EPYC: variants seen among roughly 807,000 people sequenced by gnomAD.
The protein encoded by EPYC is epiphycan.
In EPYC, 28 loss-of-function variants were observed where a neutral mutation model predicts 30.1. The observed-to-expected ratio is 0.93, with a 90% CI of 0.69 to 1.28. The LOEUF (loss-of-function observed/expected upper bound fraction) is 1.28. EPYC is among the 50% of genes most tolerant of loss of function. The pLI, the probability that EPYC is intolerant of heterozygous loss-of-function variation, is 0.00. For missense variants in EPYC, 382 were observed against 383.5 expected (o/e 1.00, Z 0.03); for synonymous variants, 144 against 141.4 (o/e 1.02, Z -0.13).
chr12:91,001,502 T>C (rs1877821901), intron 2 of EPYC, among the ~76,000 whole-genome samples: 1 of 152,150 alleles, frequency 6.6e-6, no homozygotes, highest in South Asian at 2.1e-4. Context: ...TTCTGATTCA[T>C]AAAGATTAGC....
chr12:90,976,614 T>C (rs188479312), intron 3 of EPYC, among the ~76,000 whole-genome samples: 1 of 152,244 alleles, frequency 6.6e-6, no homozygotes, highest in East Asian at 1.9e-4. Context: ...TTAGGTAATA[T>C]TGCTCCTCCC....
chr12:90,999,096 G>C (rs558740858), intron 2 of EPYC, among the ~76,000 whole-genome samples: 1 of 152,206 alleles, frequency 6.6e-6, no homozygotes, highest in African/African-American at 2.4e-5. Flanking sequence ...CATCTCATGA[G>C]TTTAGGTCAG....
chr12:90,987,072 G>T lies in EPYC; in HGVS notation c.166-8810C>A, dbSNP rs188863109. 1.1e-4 allele frequency among the ~76,000 whole-genome samples: 17 copies of T among 152,166 alleles called. No individual in the cohort carries two copies. The South Asian group carries it at 3.5e-3, about 32-fold the overall frequency. ...TAAGAGTAAGAAAATATTATAAAAT[G>T]GTTAAAGTTGCATGAGAGTGACAGA... is the stretch of plus-strand genomic sequence containing the variant. On this transcript the variant is annotated intron_variant, in intron 2 of 6. Coordinates refer to ENST00000261172, the MANE Select transcript of EPYC (RefSeq NM_004950.5).
At chr12:90,979,829 C>T (rs1256566357) in intron 2 of EPYC, among the ~76,000 whole-genome samples, 9 of 152,022 alleles carry the variant, frequency 5.9e-5, no homozygotes, top group Admixed American at 5.9e-4. Flanking sequence ...CTTTGCTTGT[C>T]CAAAATATAT....
intron 2 of EPYC, among the ~76,000 whole-genome samples, chr12:90,996,958 T>C (rs1877707003): frequency 6.6e-6 from 1 of 152,044 alleles, no homozygotes; most frequent in African/African-American, 2.4e-5. Flanking sequence ...GGCAAAGTTA[T>C]ATGAAACCAG....
chr12:90,985,246 A>T (rs1293873036), intron 2 of EPYC, among the ~76,000 whole-genome samples: 1 of 152,154 alleles, frequency 6.6e-6, no homozygotes, highest in African/African-American at 2.4e-5. Flanking sequence ...TTATTCAATG[A>T]TGTCCACCAT....
At chr12:91,003,780 A>G (rs1275990432) in intron 1 of EPYC, among the ~76,000 whole-genome samples, 3 of 152,114 alleles carry the variant, frequency 2.0e-5, no homozygotes, top group South Asian at 2.1e-4. Flanking sequence ...CTATGCATAC[A>G]TATAAAAGGG....
At chr12:90,985,150 G>A (rs145056674) in intron 2 of EPYC, among the ~76,000 whole-genome samples, 144 of 152,188 alleles carry the variant, frequency 9.5e-4, no homozygotes, top group African/African-American at 3.3e-3. Flanking sequence ...CTGGGACCTC[G>A]ACCCAGATCA....
In EPYC at chr12:90,964,285, A is replaced by G; in HGVS notation, c.840T>C (p.Asn280=). Residue 280 remains asparagine, a synonymous_variant, in exon 7 of 7, where the codon AAT becomes AAC. Transcript: ENST00000261172. ...TACGAATATAAGTCAAATTTTTAACATTGCAGAACGTATCTTCGTGCATTT... is the reference window on the plus strand; with the variant it reads ...TACGAATATAAGTCAAATTTTTAACGTTGCAGAACGTATCTTCGTGCATTT... ...ILEMHEDTFC[N]VKNLTYIRKA... is the part of the protein sequence containing the mutation. 2 of 1,611,460 alleles carry G rather than the reference A, an allele frequency of 1.2e-6. No homozygotes were observed. The highest frequency in any genetic ancestry group is 1.7e-6 in the Non-Finnish European group (2 of 1,178,258).
At chr12:90,998,503 C>G (rs941983230) in intron 2 of EPYC, among the ~76,000 whole-genome samples, 9 of 151,956 alleles carry the variant, frequency 5.9e-5, no homozygotes, top group Non-Finnish European at 1.2e-4. Flanking sequence ...AATTTAATGA[C>G]CCTTTCTCAA....
At chr12:90,981,294 TA>T (rs1358355218) in intron 2 of EPYC, among the ~76,000 whole-genome samples, 3 of 152,094 alleles carry the variant, frequency 2.0e-5, no homozygotes, top group African/African-American at 7.2e-5. Context: ...AATCTCAGGG[TA>T]AAAGCGGTTG....
At chr12:90,998,276 C>T (rs1444075585) in intron 2 of EPYC, among the ~76,000 whole-genome samples, 1 of 152,014 alleles carries the variant, frequency 6.6e-6, no homozygotes, top group Non-Finnish European at 1.5e-5. Context: ...ATTCACAGCA[C>T]TAGAGTAAAA....
intron 2 of EPYC, among the ~76,000 whole-genome samples, chr12:90,998,158 T>C (rs1466461463): frequency 6.6e-6 from 1 of 152,122 alleles, no homozygotes; most frequent in Non-Finnish European, 1.5e-5. Context: ...ATATGTAATA[T>C]GACTAGAACA....
intron 2 of EPYC, among the ~76,000 whole-genome samples, chr12:90,985,421 G>A (rs757331246): frequency 2.0e-5 from 3 of 152,048 alleles, no homozygotes; most frequent in South Asian, 2.1e-4. Context: ...CTCCAAAAGC[G>A]AGCCCTGGGC....
At chr12:90,993,325 T>C (rs1877628649) in intron 2 of EPYC, among the ~76,000 whole-genome samples, 1 of 152,170 alleles carries the variant, frequency 6.6e-6, no homozygotes. Flanking sequence ...TCTGGAGTTT[T>C]GTATTAGGAA....
chr12:90,999,674 A>G (rs918527092), intron 2 of EPYC, among the ~76,000 whole-genome samples: 3 of 152,098 alleles, frequency 2.0e-5, no homozygotes, highest in African/African-American at 7.2e-5. Flanking sequence ...TATGCTTACC[A>G]CGAGTCACTG....
At chr12:91,003,826 A>G (rs1412069482) in intron 1 of EPYC, among the ~76,000 whole-genome samples, 1 of 152,146 alleles carries the variant, frequency 6.6e-6, no homozygotes, top group African/African-American at 2.4e-5. Flanking sequence ...ACTTGAATGC[A>G]CTGGCAGACA....
At chr12:90,991,882 C>T (rs558712085) in intron 2 of EPYC, among the ~76,000 whole-genome samples, 11 of 152,254 alleles carry the variant, frequency 7.2e-5, no homozygotes, top group South Asian at 6.2e-4. Context: ...GAGACAGAAA[C>T]ACTAATTAAG....
chr12:90,982,113 A>G (rs955502412), intron 2 of EPYC, among the ~76,000 whole-genome samples: 3 of 152,076 alleles, frequency 2.0e-5, no homozygotes, highest in Admixed American at 6.6e-5. Context: ...TTATTTGTCA[A>G]TGTTGTTTTC....
Sources: allele counts gnomAD v4.1 joint callset (sites outside exome capture counted in the v4.1 genomes callset), GRCh38; gene constraint gnomAD v4.1.1; transcripts MANE v1.5; gene names NCBI Gene and HGNC (gene_info 2026-07-23, HGNC 2026-07-21).